CTNNA2: variants seen among roughly 807,000 people sequenced by gnomAD.
CTNNA2 encodes the protein catenin alpha-2.
In CTNNA2, 42 loss-of-function variants were observed where a neutral mutation model predicts 101.0. That is an observed-to-expected ratio of 0.42 (90% confidence interval 0.32 to 0.54). The LOEUF is 0.54. Among genes scored for constraint, CTNNA2 ranks in the 20% least tolerant of loss-of-function variants. The pLI is 0.14. For missense variants in CTNNA2, 871 were observed against 1,223.1 expected, an observed-to-expected ratio of 0.71 and a Z score of 4.29; for synonymous variants, 450 against 456.4, an observed-to-expected ratio of 0.99 and a Z score of 0.18.
intron 7 of CTNNA2, among the ~76,000 whole-genome samples, chr2:80,042,321 A>G (rs1450284774): frequency 1.3e-5 from 2 of 152,148 alleles, no homozygotes; most frequent in Non-Finnish European, 2.9e-5. Context: ...TTTTTTAACC[A>G]TTCTTAATGA....
intron 4 of CTNNA2, among the ~76,000 whole-genome samples, chr2:79,441,975 A>G (rs921152102): frequency 6.6e-6 from 1 of 152,178 alleles, no homozygotes; most frequent in African/African-American, 2.4e-5. Context: ...TTCCAAGTTC[A>G]GCCCAAATTC....
At chr2:80,164,678 C>A (rs1353417267) in intron 7 of CTNNA2, among the ~76,000 whole-genome samples, 1 of 150,170 alleles carries the variant, frequency 6.7e-6, no homozygotes, top group African/African-American at 2.5e-5. Flanking sequence ...CTTACCTTTC[C>A]TTTCCTTTCT....
At chr2:79,197,430 T>A (rs955886093) in intron 1 of CTNNA2, among the ~76,000 whole-genome samples, 15 of 152,204 alleles carry the variant, frequency 9.9e-5, no homozygotes, top group African/African-American at 3.6e-4. Flanking sequence ...AAGCTGCCAG[T>A]CATTGACCAA....
chr2:79,959,252 T>C (rs1198546273), intron 7 of CTNNA2, among the ~76,000 whole-genome samples: 1 of 152,156 alleles, frequency 6.6e-6, no homozygotes, highest in Non-Finnish European at 1.5e-5. Context: ...TGTTACTTTT[T>C]TTTCATGAGA....
chr2:79,969,178 G>T (rs1236328534), intron 7 of CTNNA2, among the ~76,000 whole-genome samples: 7 of 152,074 alleles, frequency 4.6e-5, no homozygotes, highest in African/African-American at 1.2e-4. Context: ...CAGTTTAAGT[G>T]ACTAAATTAA....
At chr2:79,909,835 T>G in intron 7 of CTNNA2, 38 bp downstream of exon 7, 1 of 1,554,316 alleles carries the variant, frequency 6.4e-7, no homozygotes, top group Non-Finnish European at 8.8e-7. Flanking sequence ...TCTTGGTGGA[T>G]TCTGTTCTGC....
At chr2:79,200,517 G>A (rs1000459518) in intron 2 of CTNNA2, among the ~76,000 whole-genome samples, 2 of 152,258 alleles carry the variant, frequency 1.3e-5, no homozygotes, top group African/African-American at 4.8e-5. Context: ...CCGCAAAACG[G>A]AGTCTGGCAC....
intron 9 of CTNNA2, among the ~76,000 whole-genome samples, chr2:80,517,360 G>A (rs894886385): frequency 2.0e-5 from 3 of 152,166 alleles, no homozygotes; most frequent in African/African-American, 7.2e-5. Context: ...ATTTGCTCAG[G>A]GGCACTGCAA....
chr2:80,169,506 G>C (rs1015294473), intron 7 of CTNNA2, among the ~76,000 whole-genome samples: 1 of 152,228 alleles, frequency 6.6e-6, no homozygotes, highest in Non-Finnish European at 1.5e-5. Flanking sequence ...AAATATTTAA[G>C]ATATGGTATT....
At chr2:80,605,338 C>T (rs1373907352) in intron 16 of CTNNA2, 1 of 151,866 alleles carries the variant, frequency 6.6e-6, no homozygotes, top group Non-Finnish European at 1.5e-5. Context: ...CAGTTTGAAC[C>T]ACTTTGGATG....
chr2:79,252,758 A>T (rs1369632386), intron 2 of CTNNA2, among the ~76,000 whole-genome samples: 1 of 151,918 alleles, frequency 6.6e-6, no homozygotes, highest in East Asian at 1.9e-4. Context: ...TATAATTGGT[A>T]TATCAACATG....
chr2:80,604,276 GAAGA>G, intron 16 of CTNNA2, 97 bp downstream of exon 16: 2 of 884,204 alleles, frequency 2.3e-6, no homozygotes, highest in Non-Finnish European at 3.7e-6. Flanking sequence ...AAATGCCTCT[GAAGA>G]ATGAATCAGA....
At chr2:80,228,084 C>A (rs1708990983) in intron 7 of CTNNA2, among the ~76,000 whole-genome samples, 1 of 152,092 alleles carries the variant, frequency 6.6e-6, no homozygotes, top group Non-Finnish European at 1.5e-5. Context: ...GTATCAAGAC[C>A]AAACTTGGAC....
At chr2:79,614,605 C>A (rs1471179530) in intron 1 of CTNNA2, among the ~76,000 whole-genome samples, 1 of 152,150 alleles carries the variant, frequency 6.6e-6, no homozygotes, top group African/African-American at 2.4e-5. Flanking sequence ...CTAAGTACTA[C>A]AGTGTCAAAA....
rs748657990 is a variant in CTNNA2 at position 80,589,461 on chromosome 2, T to C, written c.2165T>C (p.Met722Thr). The C allele has an allele frequency of 6.2e-7, 1 of 1,613,820 alleles. No homozygotes were observed. Among genetic ancestry groups the C allele is most frequent in the Non-Finnish European group, 8.5e-7 (1 of 1,179,812 alleles). The part of the protein sequence containing the change: ...IVLAKQMCMI[M>T]MEMTDFTRGK... ...CTGGCCAAGCAGATGTGTATGATCA[T>C]GATGGAAATGACAGACTTCACAAGG... The change falls in exon 15 of 19, where the codon ATG becomes ACG. Residue 722 changes from methionine to threonine, a missense_variant. By Grantham distance (81) the Met-to-Thr change is moderately conservative. This residue lies in a region of CTNNA2 where 93 missense variants were observed against 223.7 expected (regional missense o/e 0.42). Coordinates refer to ENST00000402739, the MANE Select transcript of CTNNA2 (RefSeq NM_001282597.3).
chr2:79,249,830 C>T (rs1674746564), intron 2 of CTNNA2, among the ~76,000 whole-genome samples: 2 of 152,182 alleles, frequency 1.3e-5, no homozygotes, highest in South Asian at 2.1e-4. Flanking sequence ...AGCTCACATT[C>T]ACCTTCTCCT....
At chr2:79,191,333 C>G (rs1361658635) in intron 1 of CTNNA2, among the ~76,000 whole-genome samples, 5 of 152,204 alleles carry the variant, frequency 3.3e-5, no homozygotes, top group African/African-American at 1.2e-4. Flanking sequence ...ACTGTAATGG[C>G]ATATCATCTG....
intron 6 of CTNNA2, among the ~76,000 whole-genome samples, chr2:79,886,750 CAAAAAAAAAA>C (rs1168632966): frequency 1.8e-3 from 42 of 23,242 alleles, no homozygotes; most frequent in Non-Finnish European, 2.1e-3. Context: ...GACTCCATCT[CAAAAAAAAAA>C]AAAAAAAAAA....
At chr2:80,152,317 GTT>G (rs113520232) in intron 7 of CTNNA2, among the ~76,000 whole-genome samples, 6 of 143,200 alleles carry the variant, frequency 4.2e-5, no homozygotes, top group South Asian at 2.2e-4. Flanking sequence ...GCCACTTGAT[GTT>G]TTTTTTTTTT....
Sources: gnomAD v4.1 joint callset for allele counts (sites outside exome capture counted in the v4.1 genomes callset) on GRCh38, gnomAD v4.1.1 for gene constraint, gnomAD v4.1.1 regional missense constraint, MANE v1.5 for transcripts, NCBI Gene and HGNC (gene_info 2026-07-23, HGNC 2026-07-21) for gene names.